Variants in CNPY1 observed in about 807,000 individuals in gnomAD.
CNPY1 encodes protein canopy homolog 1.
A neutral mutation model predicts 14.4 loss-of-function variants in CNPY1; 14 were observed. The observed-to-expected ratio is 0.97, with a 90% CI of 0.64 to 1.52. The LOEUF (loss-of-function observed/expected upper bound fraction) is 1.52, where lower values mean the gene tolerates loss of function less well. Among genes scored for constraint, CNPY1 ranks in the 40% most tolerant of loss-of-function variants. The pLI is 0.00. For synonymous variants in CNPY1, 43 were observed against 46.5 expected, an observed-to-expected ratio of 0.92 and a Z score of 0.31; for missense variants, 129 against 131.5, an observed-to-expected ratio of 0.98 and a Z score of 0.09.
intron 2 of CNPY1, among the ~76,000 whole-genome samples, chr7:155,530,751 C>A (rs959007951): frequency 6.6e-6 from 1 of 152,218 alleles, no homozygotes; most frequent in African/African-American, 2.4e-5. Flanking sequence ...ACCCTCAGCA[C>A]TACTGCCGTG....
At position 155,527,054 on chromosome 7, in the gene CNPY1, CTTT is replaced by C. The variant is rs764084944; in HGVS notation, c.100-17960_100-17958del. On this transcript the variant is annotated intron_variant, in intron 2 of 4. Transcript: ENST00000636446. The stretch of plus-strand genomic sequence containing the variant: ...TTTTTCTTTCTTTCTTTCTTTCTTT[CTTT>C]TTTTTTTTTTTTTTGAGACAGTCTT... Among the ~76,000 whole-genome samples, 136 of 90,344 alleles carry C rather than the reference CTTT, an allele frequency of 1.5e-3. 1 individual carries two copies. Among genetic ancestry groups the C allele is most frequent in the South Asian group, 0.015 (34 of 2,300 alleles). 59.3% of individuals were successfully genotyped at this position (90,344 alleles called of 152,430 possible).
chr7:155,534,448 CACAG>C (rs1796998960), intron 2 of CNPY1, among the ~76,000 whole-genome samples: 1 of 152,228 alleles, frequency 6.6e-6, no homozygotes, highest in African/African-American at 2.4e-5. Flanking sequence ...CATGTGCACA[CACAG>C]ACACACACAC....
At position 155,502,990 on chromosome 7, in the gene CNPY1, C is replaced by A; in HGVS notation, c.*78G>T. On this transcript the variant is annotated 3_prime_UTR_variant, in exon 5 of 5. Transcript: ENST00000636446. ...ACAAAATTTTTCTTATCATGAAAGA[C>A]AACATGCAAACATAAAATGCAGACA... The A allele has an allele frequency of 7.6e-7, 1 of 1,314,684 alleles. No individual in the cohort carries two copies. Among genetic ancestry groups the A allele is most frequent in the Non-Finnish European group, 1.1e-6 (1 of 934,222 alleles). 81.4% of individuals were successfully genotyped at this position (1,314,684 alleles called of 1,614,324 possible). A position where few individuals can be genotyped will look rare whatever the true frequency, so the allele number is the denominator to read the frequency against.
Position 155,546,430 on chromosome 7 carries a change from T to A in CNPY1, c.-16A>T, listed in dbSNP as rs1797157480. On this transcript the variant is annotated splice_region_variant and 5_prime_UTR_variant, in exon 1 of 5. The change creates a new upstream start codon in the 5' untranslated region. Coordinates refer to ENST00000636446, the MANE Select transcript of CNPY1 (RefSeq NM_001393663.1). ...CTTGAACTCAAGCCATCCTCCTACC[T>A]TGGCCTCCTGAATTGCTGGGATTAC... The A allele has an allele frequency of 5.0e-6, 2 of 398,302 alleles. No homozygotes were observed. The highest frequency in any genetic ancestry group is 8.8e-6 in the Non-Finnish European group (2 of 226,032). The allele number at this position is 398,302 out of a possible 1,614,324, so 24.7% of individuals were successfully genotyped here.
At chr7:155,509,915 G>A (rs1034033547) in intron 2 of CNPY1, among the ~76,000 whole-genome samples, 3 of 152,200 alleles carry the variant, frequency 2.0e-5, no homozygotes, top group Non-Finnish European at 4.4e-5. Flanking sequence ...GTTCGGGGCC[G>A]TCTAGACAGG....
intron 2 of CNPY1, among the ~76,000 whole-genome samples, chr7:155,534,973 C>T (rs1328822614): frequency 1.3e-5 from 2 of 152,120 alleles, no homozygotes; most frequent in African/African-American, 4.8e-5. Flanking sequence ...CTGGTGGGCA[C>T]AGGACCCCAG....
In CNPY1 at chr7:155,503,026, G is replaced by A. The variant is rs1393912857; in HGVS notation, c.*42C>T. On this transcript the variant is annotated 3_prime_UTR_variant, in exon 5 of 5. Coordinates refer to ENST00000636446, the MANE Select transcript of CNPY1 (RefSeq NM_001393663.1). ...CATAAAATGCAGACATTGACCTTTG[G>A]GTGTGACTTTACTCCTCTCTACGAC... 6.4e-7 allele frequency: 1 copy of A among 1,573,446 alleles called. No homozygotes were observed. Among genetic ancestry groups the A allele is most frequent in the South Asian group, 1.1e-5 (1 of 88,676 alleles).
intron 2 of CNPY1, among the ~76,000 whole-genome samples, chr7:155,516,493 G>A (rs766036172): frequency 6.6e-6 from 1 of 152,088 alleles, no homozygotes; most frequent in Non-Finnish European, 1.5e-5. Flanking sequence ...GTGGAACCGC[G>A]GGGACCTCAA....
intron 2 of CNPY1, among the ~76,000 whole-genome samples, chr7:155,533,605 C>T (rs565767250): frequency 3.9e-5 from 6 of 152,330 alleles, no homozygotes; most frequent in African/African-American, 1.4e-4. Context: ...CGGCGTGAAA[C>T]CCCCGAGGGG....
intron 2 of CNPY1, among the ~76,000 whole-genome samples, chr7:155,528,284 T>C (rs960909903): frequency 1.3e-5 from 2 of 152,242 alleles, no homozygotes; most frequent in East Asian, 1.9e-4. Context: ...GCCAGCACTT[T>C]CTTTCATTGC....
At chr7:155,543,133 C>T (rs549817444) in intron 2 of CNPY1, among the ~76,000 whole-genome samples, 5 of 152,324 alleles carry the variant, frequency 3.3e-5, no homozygotes, top group African/African-American at 7.2e-5. Flanking sequence ...TGTTTCTTTC[C>T]AGCCTGACTG....
intron 2 of CNPY1, among the ~76,000 whole-genome samples, chr7:155,529,413 C>T (rs1796895217): frequency 6.6e-6 from 1 of 152,180 alleles, no homozygotes; most frequent in African/African-American, 2.4e-5. Context: ...GGCCTTGAAA[C>T]AACAAAAATT....
chr7:155,526,727 G>T (rs369175222), intron 2 of CNPY1, among the ~76,000 whole-genome samples: 1 of 152,176 alleles, frequency 6.6e-6, no homozygotes, highest in African/African-American at 2.4e-5. Flanking sequence ...ATTACCCAGC[G>T]CTGGCAATAT....
intron 2 of CNPY1, chr7:155,533,927 TG>T (rs1796986716): frequency 6.6e-6 from 1 of 152,084 alleles, no homozygotes. Context: ...CCACATCCCC[TG>T]GGGACAGCAT....
intron 2 of CNPY1, among the ~76,000 whole-genome samples, chr7:155,514,623 A>G (rs926436253): frequency 1.3e-5 from 2 of 152,180 alleles, no homozygotes; most frequent in Admixed American, 1.3e-4. Context: ...GGCTGGGTGC[A>G]GTGGCTCACA....
At chr7:155,528,596 GGC>G (rs1796872507) in intron 2 of CNPY1, among the ~76,000 whole-genome samples, 1 of 152,240 alleles carries the variant, frequency 6.6e-6, no homozygotes, top group African/African-American at 2.4e-5. Context: ...TCCCCGCATA[GGC>G]AGGACAGCAA....
intron 2 of CNPY1, among the ~76,000 whole-genome samples, chr7:155,542,888 C>T (rs762775049): frequency 1.7e-4 from 26 of 152,236 alleles, no homozygotes; most frequent in Non-Finnish European, 5.9e-5. Flanking sequence ...ACTGCCCTCC[C>T]AGACCCACCC....
intron 2 of CNPY1, among the ~76,000 whole-genome samples, chr7:155,520,312 G>A (rs2116713129): frequency 6.6e-6 from 1 of 152,240 alleles, no homozygotes; most frequent in Non-Finnish European, 1.5e-5. Flanking sequence ...AGGACAGATA[G>A]TGTGAGCTTC....
intron 3 of CNPY1, among the ~76,000 whole-genome samples, chr7:155,507,497 A>AAG (rs1796365955): frequency 6.8e-6 from 1 of 147,294 alleles, no homozygotes; most frequent in Non-Finnish European, 1.5e-5. Flanking sequence ...AAAAAAAAAA[A>AAG]AAGAAGACCA....
Sources: gnomAD v4.1 joint callset for allele counts (sites outside exome capture counted in the v4.1 genomes callset) on GRCh38, gnomAD v4.1.1 for gene constraint, MANE v1.5 for transcripts, NCBI Gene and HGNC (gene_info 2026-07-23, HGNC 2026-07-21) for gene names.